Variants in LIN52 observed in about 807,000 individuals in gnomAD.
LIN52 encodes the protein protein lin-52 homolog.
LIN52 carries 4 observed loss-of-function variants against 18.5 expected under a neutral mutation model. The observed-to-expected ratio is 0.22, with a 90% CI of 0.11 to 0.49. The LOEUF (loss-of-function observed/expected upper bound fraction) is 0.49. LIN52 is among the 20% of genes least tolerant of loss of function. LIN52 has a pLI of 0.97. For missense variants in LIN52, 102 were observed against 139.5 expected, an observed-to-expected ratio of 0.73 and a Z score of 1.35; for synonymous variants, 34 against 45.5, an observed-to-expected ratio of 0.75 and a Z score of 1.02.
intron 5 of LIN52, among the ~76,000 whole-genome samples, chr14:74,101,759 C>T (rs995159390): frequency 5.3e-5 from 8 of 152,038 alleles, no homozygotes; most frequent in Non-Finnish European, 1.0e-4. Flanking sequence ...CGCGCCCGGC[C>T]GATTTTTCTT....
intron 5 of LIN52, among the ~76,000 whole-genome samples, chr14:74,137,175 T>G (rs1370200577): frequency 1.4e-5 from 2 of 146,600 alleles, no homozygotes; most frequent in African/African-American, 4.9e-5. Flanking sequence ...TATATATATT[T>G]TTTTAATCTA....
At position 74,149,761 on chromosome 14, in the gene LIN52, A is replaced by G. The variant is rs187998735; in HGVS notation, c.283+48523A>G. ...CTGAGGTATTGATTAGGGTTAGAGA[A>G]TGTTTAGGAGAACCTGGATGAAAGA... On this transcript the variant is annotated intron_variant, in intron 5 of 5. Transcript: ENST00000555028. 4.6e-5 allele frequency among the ~76,000 whole-genome samples: 7 copies of G among 152,272 alleles called. No homozygotes were observed. In the East Asian group the frequency reaches 1.3e-3, roughly 29 times the overall value.
intron 5 of LIN52, among the ~76,000 whole-genome samples, chr14:74,143,962 G>A (rs949989081): frequency 1.3e-5 from 2 of 151,620 alleles, no homozygotes; most frequent in African/African-American, 4.9e-5. Context: ...CCAGTTTCTG[G>A]TAACCACTCT....
chr14:74,173,030 C>G (rs2061278194), intron 5 of LIN52, among the ~76,000 whole-genome samples: 1 of 152,124 alleles, frequency 6.6e-6, no homozygotes, highest in Non-Finnish European at 1.5e-5. Flanking sequence ...TTTTCAGTAT[C>G]TTTCAAGTGT....
At chr14:74,134,091 T>A (rs957213956) in intron 5 of LIN52, among the ~76,000 whole-genome samples, 2 of 152,246 alleles carry the variant, frequency 1.3e-5, no homozygotes, top group African/African-American at 4.8e-5. Context: ...TTATCCCTAG[T>A]CAGCTCTTTA....
At chr14:74,116,000 A>G (rs566267378) in intron 5 of LIN52, among the ~76,000 whole-genome samples, 22 of 152,142 alleles carry the variant, frequency 1.4e-4, no homozygotes, top group Non-Finnish European at 2.9e-4. Context: ...ATTCTGCAGA[A>G]AGTGTGATAA....
At chr14:74,156,602 CT>C (rs1287561478) in intron 5 of LIN52, among the ~76,000 whole-genome samples, 2 of 152,116 alleles carry the variant, frequency 1.3e-5, no homozygotes, top group Non-Finnish European at 2.9e-5. Flanking sequence ...ATCAGGGTAA[CT>C]AGTATATCCA....
chr14:74,187,787 T>C (rs1369396475), intron 5 of LIN52, among the ~76,000 whole-genome samples: 2 of 152,206 alleles, frequency 1.3e-5, no homozygotes, highest in African/African-American at 4.8e-5. Flanking sequence ...AAAGTTAATC[T>C]TAGGGGAAAA....
chr14:74,198,321 G>A (rs897145286), intron 5 of LIN52, among the ~76,000 whole-genome samples: 13 of 152,122 alleles, frequency 8.5e-5, no homozygotes, highest in Non-Finnish European at 1.5e-4. Context: ...CATAAACCTT[G>A]GCTGGCTATA....
rs1595186671 is a variant in LIN52 at position 74,175,910 on chromosome 14, T to C, written c.284-23012T>C. ...CAGTAGGATCACTTGAGTTGAGGAG[T>C]ACAGGATTACAGTGAGCCATGATCA... On this transcript the variant is annotated intron_variant, in intron 5 of 5. Coordinates refer to ENST00000555028, the MANE Select transcript of LIN52 (RefSeq NM_001024674.3). 2.0e-5 allele frequency among the ~76,000 whole-genome samples: 3 copies of C among 151,648 alleles called. No individual in the cohort carries two copies. The South Asian group carries it at 6.3e-4, about 32-fold the overall frequency.
At chr14:74,137,498 CTTTTTT>C (rs71460959) in intron 5 of LIN52, among the ~76,000 whole-genome samples, 1 of 111,620 alleles carries the variant, frequency 9.0e-6, no homozygotes, top group South Asian at 2.8e-4. Context: ...CAGCAGCTCT[CTTTTTT>C]TTTTTTTTTT....
intron 2 of LIN52, among the ~76,000 whole-genome samples, chr14:74,095,511 A>T (rs1397511957): frequency 6.6e-6 from 1 of 151,890 alleles, no homozygotes; most frequent in African/African-American, 2.4e-5. Flanking sequence ...TCCTGCCTTG[A>T]CTTCTCAAAA....
chr14:74,141,556 T>C (rs1297560189), intron 5 of LIN52, among the ~76,000 whole-genome samples: 1 of 152,224 alleles, frequency 6.6e-6, no homozygotes, highest in Admixed American at 6.5e-5. Flanking sequence ...TGCTTTTACA[T>C]GAAGTGATTT....
At chr14:74,087,312 A>C (rs1380772465) in intron 1 of LIN52, among the ~76,000 whole-genome samples, 1 of 148,604 alleles carries the variant, frequency 6.7e-6, no homozygotes, top group East Asian at 2.0e-4. Context: ...GCTACTCAGG[A>C]GGCTGAGGCA....
At chr14:74,165,082 A>C (rs546670434) in intron 5 of LIN52, among the ~76,000 whole-genome samples, 236 of 152,308 alleles carry the variant, frequency 1.5e-3, no homozygotes, top group Middle Eastern at 0.01. Flanking sequence ...AAACTCAGGG[A>C]AAACAAAAAA....
chr14:74,126,902 A>G (rs1296103227), intron 5 of LIN52, among the ~76,000 whole-genome samples: 1 of 152,250 alleles, frequency 6.6e-6, no homozygotes, highest in African/African-American at 2.4e-5. Context: ...AAAACTAGCT[A>G]GTATGGTGTT....
chr14:74,168,464 C>T lies in LIN52; in HGVS notation c.284-30458C>T, dbSNP rs193284067. Among the ~76,000 whole-genome samples the T allele has an allele frequency of 6.6e-3, 993 of 151,014 alleles. 6 individuals carry two copies. Among genetic ancestry groups the T allele is most frequent in the Non-Finnish European group, 0.01 (685 of 67,696 alleles). On this transcript the variant is annotated intron_variant, in intron 5 of 5. Coordinates refer to ENST00000555028, the MANE Select transcript of LIN52 (RefSeq NM_001024674.3). ...CAGGTGGATCACGAGGTCAGGAGAT[C>T]GAGACCATCCTGGCTAACATGGTGA...
At chr14:74,189,047 T>C (rs1449375598) in intron 5 of LIN52, among the ~76,000 whole-genome samples, 1 of 152,168 alleles carries the variant, frequency 6.6e-6, no homozygotes, top group Admixed American at 6.6e-5. Context: ...TTATCTATAC[T>C]GTGATCCTGG....
intron 5 of LIN52, among the ~76,000 whole-genome samples, chr14:74,191,629 CTT>C (rs1319186787): frequency 6.7e-6 from 1 of 150,274 alleles, no homozygotes; most frequent in African/African-American, 2.5e-5. Flanking sequence ...GGGTTTTTTT[CTT>C]TCTTTCTTTT....
Sources: gnomAD v4.1 joint callset for allele counts (sites outside exome capture counted in the v4.1 genomes callset) on GRCh38, gnomAD v4.1.1 for gene constraint, MANE v1.5 for transcripts, NCBI Gene and HGNC (gene_info 2026-07-23, HGNC 2026-07-21) for gene names.